Variants in FGF14 observed in about 807,000 individuals in gnomAD.
FGF14 encodes fibroblast growth factor 14, also known as fibroblast growth factor homologous factor 4.
A neutral mutation model predicts 25.5 loss-of-function variants in FGF14; 5 were observed. That is an observed-to-expected ratio of 0.20 (90% CI 0.10 to 0.41). FGF14 has a LOEUF of 0.41. Ranked by LOEUF, FGF14 falls within the 10% of genes least tolerant of loss-of-function variation. The pLI is 1.00. For synonymous variants in FGF14, 138 were observed against 118.3 expected (o/e 1.17, Z -1.08); for missense variants, 222 against 320.1 (o/e 0.69, Z 2.34).
At chr13:102,191,836 G>A (rs1360714064) in intron 1 of FGF14, among the ~76,000 whole-genome samples, 2 of 152,126 alleles carry the variant, frequency 1.3e-5, no homozygotes. Flanking sequence ...TACAAGTTAT[G>A]TGCTTCCAAA....
chr13:102,202,183 C>T (rs1174518981), intron 1 of FGF14, among the ~76,000 whole-genome samples: 1 of 152,174 alleles, frequency 6.6e-6, no homozygotes, highest in Admixed American at 6.5e-5. Context: ...AACCATGAGC[C>T]AGTTAAACCT....
intron 3 of FGF14, among the ~76,000 whole-genome samples, chr13:101,796,686 G>A (rs1479998444): frequency 6.6e-6 from 1 of 152,038 alleles, no homozygotes; most frequent in Non-Finnish European, 1.5e-5. Context: ...AAAGACACAA[G>A]AGATGACAGC....
chr13:102,016,057 T>C (rs1482516527), intron 1 of FGF14, among the ~76,000 whole-genome samples: 3 of 151,408 alleles, frequency 2.0e-5, no homozygotes, highest in South Asian at 2.1e-4. Flanking sequence ...TAAGAGACAA[T>C]AAAATTCATG....
At chr13:101,796,666 A>C (rs1455909060) in intron 3 of FGF14, among the ~76,000 whole-genome samples, 3 of 152,054 alleles carry the variant, frequency 2.0e-5, no homozygotes. Flanking sequence ...TCAGAGAGGA[A>C]TGACTATGAA....
intron 1 of FGF14, among the ~76,000 whole-genome samples, chr13:102,049,105 C>G (rs949443157): frequency 6.6e-6 from 1 of 151,128 alleles, no homozygotes; most frequent in Admixed American, 6.6e-5. Flanking sequence ...TTCAATCAAC[C>G]ATTTTAAAGG....
At position 102,387,886 on chromosome 13, in the gene FGF14, C is replaced by T. The variant is rs1261175042; in HGVS notation, c.208+13585G>A. On this transcript the variant is annotated intron_variant, in intron 1 of 4. Transcript: ENST00000376131. ...CTGGGACTACAGGCGCATACTACCA[C>T]GCCCGGCTAATTTTTGTATTTTTAG... Among the ~76,000 whole-genome samples, 26 of 152,114 alleles carry T rather than the reference C, an allele frequency of 1.7e-4. 1 individual carries two copies. The highest frequency in any genetic ancestry group is 2.1e-4 in the South Asian group (1 of 4,820).
intron 1 of FGF14, among the ~76,000 whole-genome samples, chr13:102,145,803 T>A (rs1335779310): frequency 6.6e-6 from 1 of 152,186 alleles, no homozygotes; most frequent in East Asian, 1.9e-4. Flanking sequence ...GAAATCCTCC[T>A]ACAGGGAGAG....
At chr13:102,043,235 G>A (rs529835111) in intron 1 of FGF14, among the ~76,000 whole-genome samples, 7 of 152,182 alleles carry the variant, frequency 4.6e-5, no homozygotes, top group South Asian at 2.1e-4. Flanking sequence ...AACACAATCC[G>A]GATAAGCAAA....
rs1013480252 is a variant in FGF14, at chr13:102,256,935, T to A, written c.208+144536A>T. ...TATGTTGAAAAAATAAATCATATTTTTGCTCAATGAAATAACATCCATTTT... is the reference window on the plus strand; with the variant it reads ...TATGTTGAAAAAATAAATCATATTTATGCTCAATGAAATAACATCCATTTT... On this transcript the variant is annotated intron_variant, in intron 1 of 4. Transcript: ENST00000376131. Among the ~76,000 whole-genome samples the A allele has an allele frequency of 4.6e-5, 7 of 152,330 alleles. No individual in the cohort carries two copies. The South Asian group carries it at 1.4e-3, about 32-fold the overall frequency.
intron 3 of FGF14, among the ~76,000 whole-genome samples, chr13:101,796,610 A>G (rs1306419200): frequency 6.6e-6 from 1 of 151,990 alleles, no homozygotes; most frequent in Non-Finnish European, 1.5e-5. Flanking sequence ...CCCTAATCCA[A>G]TAGTATTGGT....
At chr13:102,328,589 C>A (rs759629157) in intron 1 of FGF14, among the ~76,000 whole-genome samples, 2 of 152,212 alleles carry the variant, frequency 1.3e-5, no homozygotes, top group African/African-American at 4.8e-5. Flanking sequence ...CCTACTCCCA[C>A]ACTTAAAGCT....
At chr13:102,353,190 G>A (rs1044285306) in intron 1 of FGF14, among the ~76,000 whole-genome samples, 1 of 152,186 alleles carries the variant, frequency 6.6e-6, no homozygotes, top group Non-Finnish European at 1.5e-5. Context: ...CGAGAGCAGT[G>A]AGGCATAAAG....
intron 1 of FGF14, among the ~76,000 whole-genome samples, chr13:102,227,550 C>T (rs1013232914): frequency 3.9e-5 from 6 of 152,192 alleles, no homozygotes; most frequent in African/African-American, 1.2e-4. Context: ...ATTCATGTTT[C>T]GCAAACATAA....
chr13:102,065,578 T>C lies in FGF14; in HGVS notation c.209-190282A>G, dbSNP rs528450983. On this transcript the variant is annotated intron_variant, in intron 1 of 4. Coordinates refer to the FGF14 transcript ENST00000376131. ...AGGATGCACCTCATATAAGCATACA[T>C]ATAGTAGCCTTAAAATTAAGGCATT... Among the ~76,000 whole-genome samples, 3 of 152,202 alleles carry C rather than the reference T, an allele frequency of 2.0e-5. No homozygotes were observed. The South Asian group carries it at 6.2e-4, about 32-fold the overall frequency.
intron 3 of FGF14, among the ~76,000 whole-genome samples, chr13:101,802,809 C>T (rs541353764): frequency 2.6e-5 from 4 of 152,266 alleles, no homozygotes; most frequent in African/African-American, 9.6e-5. Flanking sequence ...TACTATTTGG[C>T]TATGGGCTAG....
At chr13:102,097,242 C>G (rs1030292822) in intron 1 of FGF14, among the ~76,000 whole-genome samples, 2 of 152,106 alleles carry the variant, frequency 1.3e-5, no homozygotes, top group African/African-American at 4.8e-5. Flanking sequence ...TCATGTGCCT[C>G]CTATTCTAAA....
chr13:101,754,944 GA>G (rs1445236464), intron 3 of FGF14, among the ~76,000 whole-genome samples: 1 of 152,102 alleles, frequency 6.6e-6, no homozygotes, highest in Non-Finnish European at 1.5e-5. Context: ...CTTCCTAACA[GA>G]AATGGAAGTT....
chr13:102,051,542 G>T (rs1043723203), intron 1 of FGF14, among the ~76,000 whole-genome samples: 1 of 152,158 alleles, frequency 6.6e-6, no homozygotes, highest in African/African-American at 2.4e-5. Flanking sequence ...TGAGAAAAGG[G>T]ATCAGGAGGA....
chr13:101,826,584 G>A (rs902783477), intron 3 of FGF14, among the ~76,000 whole-genome samples: 6 of 151,942 alleles, frequency 3.9e-5, no homozygotes, highest in Non-Finnish European at 8.8e-5. Context: ...CACCATCTTA[G>A]ATTTGTTTCT....
Sources: allele counts gnomAD v4.1 joint callset (sites outside exome capture counted in the v4.1 genomes callset), GRCh38; gene constraint gnomAD v4.1.1; transcripts MANE v1.5; gene names NCBI Gene and HGNC (gene_info 2026-07-23, HGNC 2026-07-21).